The following CFAP58 variants were observed in gnomAD, a reference collection of about 807,000 sequenced individuals.
CFAP58 encodes the protein cilia- and flagella-associated protein 58.
In CFAP58, 88 loss-of-function variants were observed where a neutral mutation model predicts 119.5. The ratio of observed to expected loss-of-function variants is 0.74; its 90% CI spans 0.62 to 0.88. The LOEUF is 0.88. Among genes scored for constraint, CFAP58 ranks in the 40% least tolerant of loss-of-function variants. CFAP58 has a pLI of 0.00. For missense variants in CFAP58, 990 were observed against 1,021.2 expected (o/e 0.97, Z 0.42); for synonymous variants, 365 against 366.3 (o/e 1.00, Z 0.04).
chr10:104,371,419 C>T (rs943572362), intron 7 of CFAP58, among the ~76,000 whole-genome samples: 1 of 152,188 alleles, frequency 6.6e-6, no homozygotes, highest in African/African-American at 2.4e-5. Context: ...GAATGAATGT[C>T]CTTCATTAGC....
the CFAP58 span, among the ~76,000 whole-genome samples, chr10:104,340,884 T>TAAGA: frequency 1.3e-5 from 2 of 152,122 alleles, no homozygotes; most frequent in Non-Finnish European, 2.9e-5. Flanking sequence ...TGCCCTTTAG[T>TAAGA]AAGAGGAGGA....
intron 15 of CFAP58, among the ~76,000 whole-genome samples, chr10:104,417,680 G>A (rs113085269): frequency 2.6e-5 from 4 of 152,336 alleles, no homozygotes; most frequent in African/African-American, 9.6e-5. Context: ...GGCAGTCACA[G>A]CTCACATCGA....
intron 15 of CFAP58, among the ~76,000 whole-genome samples, chr10:104,408,729 A>G (rs952273324): frequency 3.9e-5 from 6 of 152,144 alleles, no homozygotes; most frequent in South Asian, 2.1e-4. Context: ...CTACCTTTTT[A>G]AGGTTAATGC....
At chr10:104,446,630 T>C (rs1564907353) in intron 15 of CFAP58, among the ~76,000 whole-genome samples, 1 of 152,258 alleles carries the variant, frequency 6.6e-6, no homozygotes, top group South Asian at 2.1e-4. Context: ...GGGCTTGTGC[T>C]TACCACAATT....
At chr10:104,398,018 A>T (rs1020339808) in intron 11 of CFAP58, among the ~76,000 whole-genome samples, 3 of 152,168 alleles carry the variant, frequency 2.0e-5, no homozygotes, top group African/African-American at 7.2e-5. Context: ...CACACCAGGT[A>T]CTTTATAGTT....
chr10:104,389,111 A>G (rs770443427), intron 9 of CFAP58, among the ~76,000 whole-genome samples: 1 of 152,332 alleles, frequency 6.6e-6, no homozygotes, highest in African/African-American at 2.4e-5. Flanking sequence ...ACACCCATAT[A>G]CTTTATGAAT....
upstream of CFAP58, chr10:104,353,775 G>T: frequency 8.3e-7 from 1 of 1,207,078 alleles, no homozygotes; most frequent in South Asian, 1.4e-5. Flanking sequence ...CGCCGAGCGC[G>T]GGTTTCCGCT....
chr10:104,402,189 C>G (rs903826750), intron 13 of CFAP58, among the ~76,000 whole-genome samples: 3 of 152,316 alleles, frequency 2.0e-5, no homozygotes, highest in South Asian at 4.1e-4. Flanking sequence ...GAGCTTTGGA[C>G]TTGGTGTCAC....
At chr10:104,445,505 A>G (rs1029158178) in intron 15 of CFAP58, among the ~76,000 whole-genome samples, 11 of 150,368 alleles carry the variant, frequency 7.3e-5, no homozygotes, top group Non-Finnish European at 1.5e-4. Context: ...AGATGGGGAG[A>G]TGGAGGAGGT....
upstream of CFAP58, chr10:104,353,537 A>G (rs946793040): frequency 7.5e-6 from 2 of 264,990 alleles, no homozygotes; most frequent in Non-Finnish European, 1.4e-5. Flanking sequence ...GCCTCTTCCA[A>G]TTCGCCCTCT....
intron 15 of CFAP58, among the ~76,000 whole-genome samples, chr10:104,433,063 G>A (rs2012875465): frequency 6.6e-6 from 1 of 152,076 alleles, no homozygotes; most frequent in Admixed American, 6.6e-5. Context: ...TCAACCCAAG[G>A]TTAAAAAAAC....
chr10:104,340,444 C>A, the CFAP58 span, among the ~76,000 whole-genome samples: 1 of 152,226 alleles, frequency 6.6e-6, no homozygotes, highest in African/African-American at 2.4e-5. Context: ...TATGCTCAGT[C>A]TTCCTGTCTC....
chr10:104,436,127 TTCTCTGAAGTG>T (rs2012929895), intron 15 of CFAP58, among the ~76,000 whole-genome samples: 1 of 152,192 alleles, frequency 6.6e-6, no homozygotes, highest in Non-Finnish European at 1.5e-5. Context: ...CTTAAGCCAG[TTCTCTGAAGTG>T]GAACACTTAA....
intron 9 of CFAP58, 51 bp downstream of exon 9, chr10:104,380,271 C>G (rs773265749): frequency 2.0e-6 from 3 of 1,465,186 alleles, no homozygotes; most frequent in Non-Finnish European, 1.9e-6. Context: ...TTCCTTCCTC[C>G]GCATTTCTGA....
At chr10:104,341,048 C>T in the CFAP58 span, among the ~76,000 whole-genome samples, 1 of 152,142 alleles carries the variant, frequency 6.6e-6, no homozygotes, top group Non-Finnish European at 1.5e-5. Context: ...ATTTATACTA[C>T]CCACGTGCTG....
chr10:104,450,327 TG>T, intron 17 of CFAP58, 123 bp downstream of exon 17: 1 of 1,010,524 alleles, frequency 9.9e-7, no homozygotes. Flanking sequence ...GGTAAACAAA[TG>T]ACATTCTACA....
chr10:104,423,433 T>C (rs2012692371), intron 15 of CFAP58, among the ~76,000 whole-genome samples: 2 of 152,196 alleles, frequency 1.3e-5, no homozygotes, highest in African/African-American at 2.4e-5. Context: ...TTTTTTCTTC[T>C]ATAAGGATCA....
chr10:104,380,282 T>C (rs1389917515), intron 9 of CFAP58, 62 bp downstream of exon 9: 27 of 1,412,232 alleles, frequency 1.9e-5, no homozygotes, highest in Admixed American at 1.3e-4. Context: ...GCATTTCTGA[T>C]GGTCACAAAC....
At chr10:104,347,774 T>C in the CFAP58 span, among the ~76,000 whole-genome samples, 1 of 152,118 alleles carries the variant, frequency 6.6e-6, no homozygotes, top group African/African-American at 2.4e-5. Context: ...ACAAAGTATC[T>C]AGCAGAATCC....
Sources: gnomAD v4.1 joint callset for allele counts (sites outside exome capture counted in the v4.1 genomes callset) on GRCh38, gnomAD v4.1.1 for gene constraint, MANE v1.5 for transcripts, NCBI Gene and HGNC (gene_info 2026-07-23, HGNC 2026-07-21) for gene names.